NRG1: variants seen among roughly 807,000 people sequenced by gnomAD.
The protein encoded by NRG1 is neuregulin 1.
Under a neutral mutation model 63.8 loss-of-function variants are expected in NRG1, and 18 were observed. That is an observed-to-expected ratio of 0.28 (90% confidence interval 0.19 to 0.42). The LOEUF (loss-of-function observed/expected upper bound fraction) is 0.42. Among genes scored for constraint, NRG1 ranks in the 10% least tolerant of loss-of-function variants. The probability of loss-of-function intolerance (pLI) is 1.00; values close to 1 mark genes in which losing one functional copy is unlikely to be tolerated. For synonymous variants in NRG1, 302 were observed against 301.3 expected, an observed-to-expected ratio of 1.00 and a Z score of -0.02; for missense variants, 762 against 814.7, an observed-to-expected ratio of 0.94 and a Z score of 0.79.
intron 1 of NRG1, among the ~76,000 whole-genome samples, chr8:31,910,302 G>A (rs1249505840): frequency 5.5e-5 from 8 of 145,600 alleles, no homozygotes; most frequent in Admixed American, 4.1e-4. Flanking sequence ...GCATAGAATG[G>A]AATGAGATGA....
At chr8:32,566,171 A>G (rs1487147793) in intron 1 of NRG1, among the ~76,000 whole-genome samples, 3 of 152,078 alleles carry the variant, frequency 2.0e-5, no homozygotes, top group African/African-American at 4.8e-5. Context: ...AGCCTGACCA[A>G]CATGGCGAAA....
chr8:31,652,998 TCCTCTCCTCC>T (rs1563258073), intron 1 of NRG1, among the ~76,000 whole-genome samples: 1 of 20,528 alleles, frequency 4.9e-5, no homozygotes, highest in African/African-American at 1.9e-4. Flanking sequence ...TCCTCTCCTC[TCCTCTCCTCC>T]CCTCCCCTCC....
chr8:31,753,607 A>G (rs944642986), intron 1 of NRG1, among the ~76,000 whole-genome samples: 8 of 152,144 alleles, frequency 5.3e-5, no homozygotes, highest in Non-Finnish European at 1.2e-4. Context: ...AGACTGCGGC[A>G]TTCACCTGGA....
rs5890598 is a variant in NRG1 at position 31,800,837 on chromosome 8, C to CTTTTTTTTTTTTTT, written c.37+161414_37+161427dup. Among the ~76,000 whole-genome samples the CTTTTTTTTTTTTTT allele has an allele frequency of 2.9e-4, 30 of 105,046 alleles. 2 individuals carry two copies. Among genetic ancestry groups the CTTTTTTTTTTTTTT allele is most frequent in the African/African-American group, 1.0e-3 (28 of 26,688 alleles). 68.9% of individuals were successfully genotyped at this position (105,046 alleles called of 152,430 possible). A position where few individuals can be genotyped will look rare whatever the true frequency, so the allele number is the denominator to read the frequency against. On this transcript the variant is annotated intron_variant, in intron 1 of 10. Coordinates refer to the NRG1 transcript ENST00000519301. ...GATTTAGATTTCTCCAGTCTCCTTT[C>CTTTTTTTTTTTTTT]TTTTTTTTTTTTTTTTTTTTTGAGA...
At chr8:32,047,818 A>G (rs904365761) in intron 1 of NRG1, among the ~76,000 whole-genome samples, 5 of 151,894 alleles carry the variant, frequency 3.3e-5, no homozygotes, top group Non-Finnish European at 5.9e-5. Context: ...AATACAATGT[A>G]TCATTAATGA....
At chr8:31,811,234 G>A (rs1244249165) in intron 1 of NRG1, among the ~76,000 whole-genome samples, 1 of 152,164 alleles carries the variant, frequency 6.6e-6, no homozygotes, top group Non-Finnish European at 1.5e-5. Flanking sequence ...TTGACTCCAA[G>A]TGTGGGGTGT....
rs144708420 is a variant in NRG1 at position 31,932,307 on chromosome 8, A to G, written c.37+292876A>G. ...CTTTCATCTCGCAAATTTTCCGTAT[A>G]GGAATACTTGGATGTACAAATTTCA... On this transcript the variant is annotated intron_variant, in intron 1 of 10. Coordinates refer to the NRG1 transcript ENST00000519301. 1.7e-3 allele frequency among the ~76,000 whole-genome samples: 262 copies of G among 152,316 alleles called. 3 individuals are homozygous for G. Among genetic ancestry groups the G allele is most frequent in the African/African-American group, 6.1e-3 (252 of 41,564 alleles).
intron 5 of NRG1, among the ~76,000 whole-genome samples, chr8:32,641,386 C>T (rs982886937): frequency 1.3e-5 from 2 of 152,124 alleles, no homozygotes; most frequent in Admixed American, 1.3e-4. Context: ...GCAACCACCC[C>T]TTCCATCTAG....
chr8:32,170,448 A>C (rs1226363488), intron 1 of NRG1, among the ~76,000 whole-genome samples: 1 of 152,188 alleles, frequency 6.6e-6, no homozygotes, highest in African/African-American at 2.4e-5. Context: ...GCAGCAGCGA[A>C]GACCAGGTGC....
At chr8:32,178,848 A>G (rs184823467) in intron 1 of NRG1, among the ~76,000 whole-genome samples, 264 of 152,192 alleles carry the variant, frequency 1.7e-3, no homozygotes, top group Admixed American at 3.3e-3. Context: ...AGGAGTCAGG[A>G]TTGACTTACA....
chr8:31,980,062 T>C (rs1323993383), intron 1 of NRG1, among the ~76,000 whole-genome samples: 1 of 152,072 alleles, frequency 6.6e-6, no homozygotes, highest in Non-Finnish European at 1.5e-5. Context: ...GTTTTATGTA[T>C]GAGGAAATGG....
intron 1 of NRG1, among the ~76,000 whole-genome samples, chr8:32,144,590 A>G (rs1227356590): frequency 1.3e-5 from 2 of 152,206 alleles, no homozygotes; most frequent in African/African-American, 4.8e-5. Context: ...GGCAGCTGCC[A>G]TGGAGTGCAT....
intron 1 of NRG1, among the ~76,000 whole-genome samples, chr8:32,176,175 A>G (rs892478807): frequency 9.2e-5 from 14 of 152,348 alleles, no homozygotes; most frequent in African/African-American, 2.6e-4. Flanking sequence ...ATAATGCTGC[A>G]TATCTACAAC....
intron 1 of NRG1, among the ~76,000 whole-genome samples, chr8:31,731,417 T>C (rs200869595): frequency 4.6e-4 from 68 of 148,410 alleles, no homozygotes; most frequent in Non-Finnish European, 8.2e-4. Context: ...AATTATGTCA[T>C]ACACACACAC....
intron 1 of NRG1, among the ~76,000 whole-genome samples, chr8:32,347,064 C>T (rs371783387): frequency 6.6e-6 from 1 of 152,072 alleles, no homozygotes; most frequent in African/African-American, 2.4e-5. Flanking sequence ...CTCCTGACCT[C>T]GTGATCCGCC....
At chr8:32,421,858 GA>G (rs1816739990) in intron 1 of NRG1, among the ~76,000 whole-genome samples, 1 of 151,940 alleles carries the variant, frequency 6.6e-6, no homozygotes, top group Admixed American at 6.6e-5. Context: ...GCAGATACAT[GA>G]AAAAAACAAA....
chr8:32,673,063 C>T (rs1296913578), intron 5 of NRG1, among the ~76,000 whole-genome samples: 1 of 152,086 alleles, frequency 6.6e-6, no homozygotes, highest in East Asian at 1.9e-4. Flanking sequence ...GTGTTTATGC[C>T]TATAATTAAA....
At chr8:31,828,715 C>T (rs1456771666) in intron 1 of NRG1, among the ~76,000 whole-genome samples, 2 of 152,120 alleles carry the variant, frequency 1.3e-5, no homozygotes, top group Non-Finnish European at 2.9e-5. Flanking sequence ...TTCAACTTAC[C>T]CCTTTCCTTT....
chr8:32,365,115 T>G (rs950002006), intron 1 of NRG1, among the ~76,000 whole-genome samples: 2 of 151,996 alleles, frequency 1.3e-5, no homozygotes, highest in Non-Finnish European at 1.5e-5. Context: ...CTTGAACTCC[T>G]GAGCTCATGC....
Sources: gnomAD v4.1 joint callset for allele counts (sites outside exome capture counted in the v4.1 genomes callset) on GRCh38, gnomAD v4.1.1 for gene constraint, MANE v1.5 for transcripts, NCBI Gene and HGNC (gene_info 2026-07-23, HGNC 2026-07-21) for gene names.